PHF20L1: variants seen among roughly 807,000 people sequenced by gnomAD.
PHF20L1 encodes PHD finger protein 20 like 1.
PHF20L1 carries 44 observed loss-of-function variants against 125.5 expected under a neutral mutation model. The ratio of observed to expected loss-of-function variants is 0.35; its 90% CI spans 0.28 to 0.45. The LOEUF is 0.45. PHF20L1 is among the 20% of genes least tolerant of loss of function. PHF20L1 has a pLI of 1.00. For synonymous variants in PHF20L1, 380 were observed against 403.1 expected (o/e 0.94, Z 0.69); for missense variants, 1,012 against 1,217.2 (o/e 0.83, Z 2.51).
At chr8:132,793,397 A>T (rs1832000909) in intron 2 of PHF20L1, among the ~76,000 whole-genome samples, 1 of 152,212 alleles carries the variant, frequency 6.6e-6, no homozygotes, top group African/African-American at 2.4e-5. Context: ...AGTAGGTAGT[A>T]ATCAGTTCCT....
At chr8:132,817,260 T>C in intron 11 of PHF20L1, 79 bp from the exon 12 acceptor site, 2 of 1,237,052 alleles carry the variant, frequency 1.6e-6, no homozygotes, top group East Asian at 2.3e-5. Flanking sequence ...TTAAATTATG[T>C]AACACTTTAA....
chr8:132,816,798 A>G (rs905878650), intron 10 of PHF20L1, 90 bp from the exon 11 acceptor site: 1 of 879,770 alleles, frequency 1.1e-6, no homozygotes, highest in Admixed American at 2.0e-5. Flanking sequence ...AGGGAAGAAT[A>G]TAAATCATTT....
At chr8:132,786,940 T>C (rs1831106508) in intron 2 of PHF20L1, among the ~76,000 whole-genome samples, 1 of 152,092 alleles carries the variant, frequency 6.6e-6, no homozygotes, top group African/African-American at 2.4e-5. Flanking sequence ...ATAAACAAAT[T>C]AACTATCTGT....
chr8:132,848,718 C>T lies in PHF20L1; in HGVS notation c.*2795C>T, dbSNP rs1838583590. 1 of 149,476 alleles carries T rather than the reference C, an allele frequency of 6.7e-6. No homozygotes were observed. Among genetic ancestry groups the T allele is most frequent in the Admixed American group, 6.8e-5 (1 of 14,706 alleles). 9.3% of individuals were successfully genotyped at this position (149,476 alleles called of 1,614,324 possible). ...CTTTTCCTAACACTCATCTTATTTC[C>T]ACTGTCTTATTTCCTCTCAGATGTT... On this transcript the variant is annotated 3_prime_UTR_variant, in exon 21 of 21. Transcript: ENST00000395386.
intron 1 of PHF20L1, among the ~76,000 whole-genome samples, chr8:132,775,861 TC>T (rs1563768708): frequency 6.6e-6 from 1 of 152,140 alleles, no homozygotes; most frequent in Non-Finnish European, 1.5e-5. Flanking sequence ...TGGAGGCTTC[TC>T]CAGCTCCCTG....
intron 12 of PHF20L1, among the ~76,000 whole-genome samples, chr8:132,822,437 A>G (rs1024502330): frequency 6.6e-6 from 1 of 151,986 alleles, no homozygotes; most frequent in Non-Finnish European, 1.5e-5. Context: ...CCAGTGCTCC[A>G]GAGATGTAAG....
chr8:132,787,761 T>C (rs1831222238), intron 2 of PHF20L1, among the ~76,000 whole-genome samples: 5 of 152,098 alleles, frequency 3.3e-5, no homozygotes, highest in African/African-American at 1.2e-4. Flanking sequence ...GGGAAAACAT[T>C]TTTGAAAACT....
chr8:132,828,418 A>G (rs150093576), intron 14 of PHF20L1, among the ~76,000 whole-genome samples: 27 of 152,026 alleles, frequency 1.8e-4, no homozygotes, highest in African/African-American at 6.3e-4. Context: ...AGTCTGACTT[A>G]CAAGTCTGAA....
At chr8:132,811,926 G>T in intron 9 of PHF20L1, 1 of 977,434 alleles carries the variant, frequency 1.0e-6, no homozygotes, top group South Asian at 4.7e-5. Flanking sequence ...AGAAGACTTT[G>T]AGTATCTTTT....
intron 6 of PHF20L1, among the ~76,000 whole-genome samples, chr8:132,801,979 A>T (rs1317308423): frequency 6.6e-6 from 1 of 151,674 alleles, no homozygotes; most frequent in Non-Finnish European, 1.5e-5. Flanking sequence ...AGCAACTCTG[A>T]CAACTTAAAA....
At position 132,834,585 on chromosome 8, in the gene PHF20L1, C is replaced by T. The variant is rs143277889; in HGVS notation, c.1910-1955C>T. 3.7e-4 allele frequency among the ~76,000 whole-genome samples: 56 copies of T among 152,148 alleles called. 1 individual carries two copies. In the East Asian group the frequency reaches 9.9e-3, roughly 27 times the overall value. ...CTAACTTAAAGTGATCCTCTCACCACGGCCTCCCAAAGTGCTGGGACTAGA... is the reference window on the plus strand; with the variant it reads ...CTAACTTAAAGTGATCCTCTCACCATGGCCTCCCAAAGTGCTGGGACTAGA... On this transcript the variant is annotated intron_variant, in intron 15 of 20. Coordinates refer to ENST00000395386, the MANE Select transcript of PHF20L1 (RefSeq NM_016018.5).
chr8:132,789,621 T>G (rs1831445239), intron 2 of PHF20L1, among the ~76,000 whole-genome samples: 1 of 152,160 alleles, frequency 6.6e-6, no homozygotes, highest in African/African-American at 2.4e-5. Flanking sequence ...ATTATTTTTC[T>G]TGTTTAGTTT....
At chr8:132,799,929 A>G (rs143663505) in intron 6 of PHF20L1, 3 of 151,964 alleles carry the variant, frequency 2.0e-5, no homozygotes, top group Admixed American at 6.6e-5. Flanking sequence ...TCCCACATGT[A>G]TGTATAAATA....
chr8:132,789,611 A>G (rs761309103), intron 2 of PHF20L1, among the ~76,000 whole-genome samples: 4 of 152,138 alleles, frequency 2.6e-5, no homozygotes, highest in Admixed American at 6.5e-5. Flanking sequence ...TTTAGAGTGA[A>G]TTATTTTTCT....
intron 18 of PHF20L1, among the ~76,000 whole-genome samples, chr8:132,840,428 C>A (rs543431179): frequency 2.0e-5 from 3 of 152,212 alleles, no homozygotes; most frequent in African/African-American, 7.2e-5. Flanking sequence ...GTGGGTCCAG[C>A]CTTGTACTCT....
At chr8:132,805,156 A>C (rs1410143531) in intron 8 of PHF20L1, among the ~76,000 whole-genome samples, 1 of 151,912 alleles carries the variant, frequency 6.6e-6, no homozygotes, top group Non-Finnish European at 1.5e-5. Context: ...TATTGGAAAG[A>C]TGACTGTCTG....
At chr8:132,776,120 T>G (rs568277157) in intron 1 of PHF20L1, among the ~76,000 whole-genome samples, 2 of 152,346 alleles carry the variant, frequency 1.3e-5, no homozygotes, top group Admixed American at 1.3e-4. Context: ...TGCCTTGTTT[T>G]TGCTTCAAGT....
Position 132,842,641 on chromosome 8 carries a change from T to C in PHF20L1, c.2514T>C (p.Tyr838=). ...CAGTTAATCGAGAAGAAAAGAAATA[T>C]GTACAGAACCATAAAGAACCACCTC... The part of the protein sequence containing the change: ...QDTVNREEKK[Y]VQNHKEPPRL... The change falls in exon 19 of 21, where the codon TAT becomes TAC. Residue 838 remains tyrosine, a synonymous_variant. Coordinates refer to ENST00000395386, the MANE Select transcript of PHF20L1 (RefSeq NM_016018.5). 6.2e-7 allele frequency: 1 copy of C among 1,613,074 alleles called. No homozygotes were observed. The highest frequency in any genetic ancestry group is 1.1e-5 in the South Asian group (1 of 91,018).
chr8:132,794,371 A>G (rs749922187), intron 2 of PHF20L1, 39 bp from the exon 3 acceptor site: 1 of 1,302,370 alleles, frequency 7.7e-7, no homozygotes, highest in South Asian at 1.2e-5. Context: ...AAACAAATAT[A>G]AGGATTTTCT....
Sources: gnomAD v4.1 joint callset for allele counts (sites outside exome capture counted in the v4.1 genomes callset) on GRCh38, gnomAD v4.1.1 for gene constraint, MANE v1.5 for transcripts, NCBI Gene and HGNC (gene_info 2026-07-23, HGNC 2026-07-21) for gene names.